The following FILIP1L variants were observed in gnomAD, a reference collection of about 807,000 sequenced individuals.
The protein encoded by FILIP1L is filamin A-interacting protein 1-like.
In FILIP1L, 55 loss-of-function variants were observed where a neutral mutation model predicts 96.6. That is an observed-to-expected ratio of 0.57 (90% CI 0.46 to 0.71). FILIP1L has a LOEUF of 0.71. Among genes scored for constraint, FILIP1L ranks in the 30% least tolerant of loss-of-function variants. The pLI, the probability that FILIP1L is intolerant of heterozygous loss-of-function variation, is 0.00. For synonymous variants in FILIP1L, 467 were observed against 473.9 expected (o/e 0.99, Z 0.19); for missense variants, 1,304 against 1,321.2 (o/e 0.99, Z 0.20).
intron 5 of FILIP1L, among the ~76,000 whole-genome samples, chr3:99,832,544 A>T (rs1384374190): frequency 9.1e-5 from 5 of 54,714 alleles, no homozygotes; most frequent in Admixed American, 7.4e-4. Context: ...CCAAATCTTT[A>T]AAAAAAAAAA....
intron 1 of FILIP1L, among the ~76,000 whole-genome samples, chr3:100,092,933 G>C (rs1197843979): frequency 6.6e-6 from 1 of 151,704 alleles, no homozygotes; most frequent in Non-Finnish European, 1.5e-5. Flanking sequence ...CTATAAATAT[G>C]ACATTCTCCT....
intron 5 of FILIP1L, among the ~76,000 whole-genome samples, chr3:99,845,940 A>G (rs1221811440): frequency 6.6e-6 from 1 of 152,246 alleles, no homozygotes; most frequent in Non-Finnish European, 1.5e-5. Flanking sequence ...GGAAGCCTCT[A>G]TATAGTTAAA....
At chr3:100,100,706 T>C (rs1012079791) in intron 1 of FILIP1L, among the ~76,000 whole-genome samples, 14 of 152,178 alleles carry the variant, frequency 9.2e-5, no homozygotes, top group African/African-American at 4.8e-5. Flanking sequence ...TACATTTTTG[T>C]TGGTAGCTGA....
intron 1 of FILIP1L, among the ~76,000 whole-genome samples, chr3:100,082,724 A>G (rs781389252): frequency 9.2e-5 from 14 of 152,076 alleles, no homozygotes; most frequent in Non-Finnish European, 1.6e-4. Flanking sequence ...CATTTTTTAT[A>G]CCCTTACTTA....
At chr3:99,903,249 C>G (rs938194344) in intron 4 of FILIP1L, among the ~76,000 whole-genome samples, 3 of 147,800 alleles carry the variant, frequency 2.0e-5, no homozygotes, top group African/African-American at 7.3e-5. Context: ...TATGTATACA[C>G]ATATGCATGT....
chr3:99,993,459 T>TAAGAAATAA (rs1709583239), intron 1 of FILIP1L, among the ~76,000 whole-genome samples: 2 of 152,230 alleles, frequency 1.3e-5, no homozygotes, highest in South Asian at 4.1e-4. Flanking sequence ...CCAATTTGAA[T>TAAGAAATAA]GCCTCTTATT....
intron 1 of FILIP1L, among the ~76,000 whole-genome samples, chr3:100,099,647 C>G (rs1230476912): frequency 6.6e-6 from 1 of 152,128 alleles, no homozygotes; most frequent in Non-Finnish European, 1.5e-5. Context: ...AAGATTATCT[C>G]TAGAAAACTA....
At position 99,890,728 on chromosome 3, in the gene FILIP1L, GT is replaced by G. The variant is rs375497653; in HGVS notation, c.605+33501del. On this transcript the variant is annotated intron_variant, in intron 4 of 5. Transcript: ENST00000477258. Reference sequence around the variant, plus strand: ...TTTAAACTAGAAATACCAATCCGCTGTTTTTTTTTTTCTGACATATTAAGTA... The same window carrying G: ...TTTAAACTAGAAATACCAATCCGCTGTTTTTTTTTTCTGACATATTAAGTA... Among the ~76,000 whole-genome samples, 451 of 142,860 alleles carry G rather than the reference GT, an allele frequency of 3.2e-3. 6 individuals carry two copies. Among genetic ancestry groups the G allele is most frequent in the African/African-American group, 9.2e-3 (360 of 39,310 alleles). The allele number at this position is 142,860 out of a possible 152,430, so 93.7% of individuals were successfully genotyped here.
chr3:99,949,288 A>G (rs533813552), intron 1 of FILIP1L, among the ~76,000 whole-genome samples: 2 of 152,332 alleles, frequency 1.3e-5, no homozygotes, highest in Admixed American at 6.5e-5. Flanking sequence ...ATTTTGACAT[A>G]TTTGTATGAT....
chr3:99,951,279 C>T (rs915519519), intron 1 of FILIP1L, among the ~76,000 whole-genome samples: 3 of 152,174 alleles, frequency 2.0e-5, no homozygotes, highest in African/African-American at 4.8e-5. Context: ...CCTCCTTCTT[C>T]TACCAGTAAT....
chr3:100,078,594 GA>G (rs199798690), intron 1 of FILIP1L, among the ~76,000 whole-genome samples: 4,563 of 149,710 alleles, frequency 0.03, 99 homozygotes, highest in East Asian at 0.1. Flanking sequence ...ATGAGGTAAA[GA>G]AAAAAAAAAT....
intron 3 of FILIP1L, among the ~76,000 whole-genome samples, chr3:99,928,164 C>T (rs2107659225): frequency 6.6e-6 from 1 of 152,318 alleles, no homozygotes; most frequent in Non-Finnish European, 1.5e-5. Context: ...TCAGCAGGAG[C>T]ACTGCCCTCC....
intron 4 of FILIP1L, among the ~76,000 whole-genome samples, chr3:99,863,427 TG>T (rs1042189389): frequency 6.6e-6 from 1 of 152,172 alleles, no homozygotes; most frequent in Non-Finnish European, 1.5e-5. Context: ...GTGGGTTGAC[TG>T]GGTTAGTACA....
At chr3:99,914,648 C>CA (rs759357088) in intron 4 of FILIP1L, among the ~76,000 whole-genome samples, 4 of 152,242 alleles carry the variant, frequency 2.6e-5, no homozygotes, top group Admixed American at 2.6e-4. Context: ...TTACAGAAGG[C>CA]AGTTTAGCTA....
chr3:100,068,465 A>T (rs376420717), intron 1 of FILIP1L, among the ~76,000 whole-genome samples: 1 of 152,168 alleles, frequency 6.6e-6, no homozygotes, highest in African/African-American at 2.4e-5. Context: ...GTCTATCTAG[A>T]TTCTTTAACA....
intron 1 of FILIP1L, among the ~76,000 whole-genome samples, chr3:99,996,290 C>A (rs1559718911): frequency 6.6e-6 from 1 of 152,182 alleles, no homozygotes; most frequent in Non-Finnish European, 1.5e-5. Flanking sequence ...CAAGAGTCAC[C>A]TTTGCTCCAG....
chr3:99,868,084 G>C (rs73860476), intron 4 of FILIP1L, among the ~76,000 whole-genome samples: 2,247 of 152,264 alleles, frequency 0.015, 55 homozygotes, highest in African/African-American at 0.052. Flanking sequence ...TTTTGTGGGT[G>C]CATGGTAAAA....
At chr3:100,000,655 G>C (rs1186932647) in intron 1 of FILIP1L, among the ~76,000 whole-genome samples, 5 of 152,234 alleles carry the variant, frequency 3.3e-5, no homozygotes, top group Non-Finnish European at 5.9e-5. Context: ...TTCAAGGCCA[G>C]AGTGAGCTAT....
At chr3:99,868,147 G>A (rs74389874) in intron 4 of FILIP1L, among the ~76,000 whole-genome samples, 2,860 of 152,158 alleles carry the variant, frequency 0.019, 43 homozygotes, top group Non-Finnish European at 0.03. Context: ...AGCTCTCTTC[G>A]GTCCTTTACC....
Sources: gnomAD v4.1 joint callset for allele counts (sites outside exome capture counted in the v4.1 genomes callset) on GRCh38, gnomAD v4.1.1 for gene constraint, MANE v1.5 for transcripts, NCBI Gene and HGNC (gene_info 2026-07-23, HGNC 2026-07-21) for gene names.